BTAF1: variants seen among roughly 807,000 people sequenced by gnomAD.
The protein encoded by BTAF1 is TATA-binding protein-associated factor 172.
Under a neutral mutation model 227.1 loss-of-function variants are expected in BTAF1, and 38 were observed. The ratio of observed to expected loss-of-function variants is 0.17; its 90% CI spans 0.13 to 0.22. The LOEUF is 0.22. Among genes scored for constraint, BTAF1 ranks in the 10% least tolerant of loss-of-function variants. The pLI, the probability that BTAF1 is intolerant of heterozygous loss-of-function variation, is 1.00. For synonymous variants in BTAF1, 742 were observed against 751.9 expected, an observed-to-expected ratio of 0.99 and a Z score of 0.21; for missense variants, 1,598 against 2,204.0, an observed-to-expected ratio of 0.73 and a Z score of 5.51.
chr10:91,981,212 CTTATACTGTTTTAAAT>C (rs930671119), intron 15 of BTAF1, among the ~76,000 whole-genome samples: 3 of 152,112 alleles, frequency 2.0e-5, no homozygotes, highest in African/African-American at 7.2e-5. Flanking sequence ...TGAATCAAAA[CTTATACTGTTTTAAAT>C]TTATACTAGG....
intron 33 of BTAF1, among the ~76,000 whole-genome samples, chr10:92,017,629 C>T (rs1404344965): frequency 6.6e-6 from 1 of 151,922 alleles, no homozygotes; most frequent in Non-Finnish European, 1.5e-5. Flanking sequence ...TCAGCCTCAG[C>T]TTCCTAAGTA....
chr10:92,025,112 AC>A (rs1851405209), intron 35 of BTAF1, 145 bp downstream of exon 35: 1 of 678,878 alleles, frequency 1.5e-6, no homozygotes, highest in East Asian at 2.7e-5. Flanking sequence ...CCCCTTTTTA[AC>A]TATAGAACTA....
chr10:92,011,485 G>C (rs370205914), intron 30 of BTAF1, 70 bp downstream of exon 30: 1 of 730,468 alleles, frequency 1.4e-6, no homozygotes, highest in African/African-American at 1.8e-5. Context: ...GTGGAGGGTA[G>C]GCTTGGTATT....
chr10:91,984,478 T>G, intron 19 of BTAF1, 74 bp downstream of exon 19: 1 of 1,313,408 alleles, frequency 7.6e-7, no homozygotes, highest in South Asian at 1.4e-5. Context: ...ATGACATGTT[T>G]ATCACAAAAA....
chr10:91,976,331 A>G (rs1286563096), intron 14 of BTAF1, among the ~76,000 whole-genome samples: 1 of 152,184 alleles, frequency 6.6e-6, no homozygotes, highest in Non-Finnish European at 1.5e-5. Context: ...TAGGTGTTTT[A>G]TGGAGACTCT....
rs1589717439 is a variant in BTAF1 at position 91,923,792 on chromosome 10, G to A, written c.-285G>A. 2 of 396,878 alleles carry A rather than the reference G, an allele frequency of 5.0e-6. No homozygotes were observed. The highest frequency in any genetic ancestry group is 2.1e-5 in the African/African-American group (1 of 48,110). The allele number at this position is 396,878 out of a possible 1,614,324, so 24.6% of individuals were successfully genotyped here. A position where few individuals can be genotyped will look rare whatever the true frequency, so the allele number is the denominator to read the frequency against. Reference sequence around the variant, plus strand: ...CTCAGTTGTGCGTGCCGACGCCCGCGTCAGCAAAGAGCGGAGCTGAGGGTA... The same window carrying A: ...CTCAGTTGTGCGTGCCGACGCCCGCATCAGCAAAGAGCGGAGCTGAGGGTA... On this transcript the variant is annotated 5_prime_UTR_variant, in exon 1 of 38. Transcript: ENST00000265990.
chr10:91,945,927 T>C (rs1191653859), intron 4 of BTAF1, among the ~76,000 whole-genome samples: 1 of 152,258 alleles, frequency 6.6e-6, no homozygotes, highest in African/African-American at 2.4e-5. Flanking sequence ...CCAATTTCTC[T>C]ACATCCTTGC....
intron 23 of BTAF1, among the ~76,000 whole-genome samples, chr10:91,995,402 C>T (rs1020984683): frequency 6.6e-6 from 1 of 151,898 alleles, no homozygotes; most frequent in Non-Finnish European, 1.5e-5. Context: ...GTAGGCCGGG[C>T]GTGGTGGCTT....
chr10:91,986,831 G>A (rs1366248661), intron 19 of BTAF1, among the ~76,000 whole-genome samples: 2 of 152,078 alleles, frequency 1.3e-5, no homozygotes, highest in Non-Finnish European at 2.9e-5. Context: ...GAATCTCTGG[G>A]AGAGACTTTT....
chr10:91,973,903 C>CAAAAA (rs566022941), intron 14 of BTAF1, among the ~76,000 whole-genome samples: 10 of 93,824 alleles, frequency 1.1e-4, no homozygotes, highest in South Asian at 3.6e-4. Flanking sequence ...GACTCCGTCT[C>CAAAAA]AAAAAAAAAA....
At chr10:92,021,992 TGGG>T (rs1399471447) in intron 34 of BTAF1, among the ~76,000 whole-genome samples, 2 of 152,356 alleles carry the variant, frequency 1.3e-5, no homozygotes, top group East Asian at 3.9e-4. Flanking sequence ...AAATGCTCTC[TGGG>T]GTGTCAGCTG....
At chr10:91,931,421 T>C (rs1268097222) in intron 1 of BTAF1, among the ~76,000 whole-genome samples, 1 of 152,238 alleles carries the variant, frequency 6.6e-6, no homozygotes, top group Non-Finnish European at 1.5e-5. Flanking sequence ...CTGTTACCTG[T>C]GTCTCCTCCA....
chr10:91,970,483 G>A (rs184092311), intron 14 of BTAF1, among the ~76,000 whole-genome samples: 2 of 152,310 alleles, frequency 1.3e-5, no homozygotes, highest in East Asian at 3.9e-4. Context: ...CATGTGGATG[G>A]CAGCAGGCAA....
At chr10:91,991,980 T>C in intron 20 of BTAF1, 139 bp from the exon 21 acceptor site, 1 of 610,718 alleles carries the variant, frequency 1.6e-6, no homozygotes, top group African/African-American at 1.8e-5. Context: ...CATTTCATTG[T>C]CTAAGGAAAA....
chr10:91,947,449 A>G (rs1845448663), intron 4 of BTAF1, among the ~76,000 whole-genome samples: 1 of 152,132 alleles, frequency 6.6e-6, no homozygotes, highest in Non-Finnish European at 1.5e-5. Context: ...TCTCAACACT[A>G]TTTGTAGAAT....
In BTAF1 at chr10:91,996,361, G is replaced by C; in HGVS notation, c.3310-8G>C. On this transcript the variant is annotated splice_polypyrimidine_tract_variant and splice_region_variant and intron_variant, in intron 23 of 37. Coordinates refer to ENST00000265990, the MANE Select transcript of BTAF1 (RefSeq NM_003972.3). ...TAATTCTAATTGCCATTAACTTTTT[G>C]TTTTTAGTTGGTCCAGCATTTGCCA... 1 of 1,611,996 alleles carries C rather than the reference G, an allele frequency of 6.2e-7. No individual in the cohort carries two copies. The highest frequency in any genetic ancestry group is 2.2e-5 in the East Asian group (1 of 44,850).
At chr10:92,018,969 G>A in intron 34 of BTAF1, 34 bp downstream of exon 34, 4 of 1,425,086 alleles carry the variant, frequency 2.8e-6, no homozygotes, top group South Asian at 1.8e-5. Context: ...AATGTGTGTT[G>A]TACCCCAGGA....
chr10:92,004,574 C>T (rs1298714435), intron 25 of BTAF1, among the ~76,000 whole-genome samples: 1 of 152,104 alleles, frequency 6.6e-6, no homozygotes, highest in African/African-American at 2.4e-5. Context: ...CTCAAGTGAT[C>T]TTTCCACCCC....
chr10:91,990,551 T>C (rs1196056272), intron 20 of BTAF1, among the ~76,000 whole-genome samples: 1 of 152,140 alleles, frequency 6.6e-6, no homozygotes, highest in African/African-American at 2.4e-5. Context: ...TCCCAGCACT[T>C]TGGGAGGCCG....
Sources: allele counts gnomAD v4.1 joint callset (sites outside exome capture counted in the v4.1 genomes callset), GRCh38; gene constraint gnomAD v4.1.1; transcripts MANE v1.5; gene names NCBI Gene and HGNC (gene_info 2026-07-23, HGNC 2026-07-21).